NEGR1: variants seen among roughly 807,000 people sequenced by gnomAD.
NEGR1 encodes IgLON family member 4.
Under a neutral mutation model 40.9 loss-of-function variants are expected in NEGR1, and 10 were observed. That is an observed-to-expected ratio of 0.24 (90% CI 0.15 to 0.42). The LOEUF (loss-of-function observed/expected upper bound fraction) is 0.42. NEGR1 is among the 10% of genes least tolerant of loss of function. NEGR1 has a pLI of 1.00. For synonymous variants in NEGR1, 185 were observed against 166.8 expected, an observed-to-expected ratio of 1.11 and a Z score of -0.84; for missense variants, 352 against 438.9, an observed-to-expected ratio of 0.80 and a Z score of 1.77.
At chr1:71,508,057 A>G (rs773185919) in intron 6 of NEGR1, among the ~76,000 whole-genome samples, 8 of 152,168 alleles carry the variant, frequency 5.3e-5, no homozygotes, top group East Asian at 1.9e-4. Flanking sequence ...CCAAGAATCA[A>G]TTTTAAGAAA....
chr1:71,672,325 CAT>C (rs1002572605), intron 4 of NEGR1, among the ~76,000 whole-genome samples: 44 of 152,192 alleles, frequency 2.9e-4, no homozygotes, highest in Admixed American at 7.8e-4. Context: ...AAAATTAAAA[CAT>C]GTGACATCTT....
chr1:72,281,853 G>A (rs1656266357), intron 1 of NEGR1, among the ~76,000 whole-genome samples: 1 of 152,114 alleles, frequency 6.6e-6, no homozygotes, highest in East Asian at 1.9e-4. Flanking sequence ...AGGAAAGAAA[G>A]ATAAAGAGCA....
intron 1 of NEGR1, among the ~76,000 whole-genome samples, chr1:72,092,153 T>C (rs1648524329): frequency 6.6e-6 from 1 of 152,028 alleles, no homozygotes; most frequent in African/African-American, 2.4e-5. Context: ...CATAATAAAA[T>C]TGTGTTCCAT....
At chr1:71,515,629 T>G in intron 6 of NEGR1, among the ~76,000 whole-genome samples, 1 of 87,676 alleles carries the variant, frequency 1.1e-5, no homozygotes, top group Non-Finnish European at 2.1e-5. Context: ...CATGCCAAAA[T>G]GTAAAGACCA....
intron 1 of NEGR1, among the ~76,000 whole-genome samples, chr1:72,010,061 C>G (rs2100399169): frequency 6.6e-6 from 1 of 152,266 alleles, no homozygotes; most frequent in South Asian, 2.1e-4. Flanking sequence ...AATAATTTGA[C>G]TGAAAACTAA....
At chr1:71,723,772 A>G (rs1390550092) in intron 3 of NEGR1, among the ~76,000 whole-genome samples, 2 of 152,124 alleles carry the variant, frequency 1.3e-5, no homozygotes, top group Non-Finnish European at 2.9e-5. Flanking sequence ...GGAATCCCCT[A>G]TTTGTAGCCA....
chr1:71,574,570 G>A (rs895284473), intron 6 of NEGR1, among the ~76,000 whole-genome samples: 14 of 152,118 alleles, frequency 9.2e-5, no homozygotes, highest in Admixed American at 2.0e-4. Context: ...TGAATAAAAT[G>A]AGGAGAGGAG....
At chr1:71,983,541 C>T (rs1158580451) in intron 1 of NEGR1, among the ~76,000 whole-genome samples, 2 of 152,162 alleles carry the variant, frequency 1.3e-5, no homozygotes, top group Non-Finnish European at 2.9e-5. Context: ...TTTTTGCATA[C>T]TCCACAGGGG....
intron 1 of NEGR1, among the ~76,000 whole-genome samples, chr1:72,165,566 CA>C (rs1048338686): frequency 6.6e-6 from 1 of 151,962 alleles, no homozygotes; most frequent in African/African-American, 2.4e-5. Flanking sequence ...GGAAAAGAAG[CA>C]TTTCCTATTC....
chr1:71,739,643 A>G (rs1655153826), intron 3 of NEGR1, among the ~76,000 whole-genome samples: 1 of 152,162 alleles, frequency 6.6e-6, no homozygotes, highest in African/African-American at 2.4e-5. Flanking sequence ...CAAAAATAAA[A>G]GTTTACTTTC....
intron 3 of NEGR1, among the ~76,000 whole-genome samples, chr1:71,771,814 C>T (rs1262956032): frequency 6.7e-6 from 1 of 148,236 alleles, no homozygotes; most frequent in Non-Finnish European, 1.5e-5. Flanking sequence ...CAAGTGCTAA[C>T]TAGTAAAAGC....
intron 4 of NEGR1, among the ~76,000 whole-genome samples, chr1:71,658,822 A>G (rs1651960349): frequency 1.3e-5 from 2 of 152,168 alleles, no homozygotes. Context: ...GAATTTTTAT[A>G]CTTGACAGTT....
chr1:71,616,557 C>A (rs1036495253), intron 4 of NEGR1, among the ~76,000 whole-genome samples: 6 of 152,192 alleles, frequency 3.9e-5, no homozygotes, highest in Admixed American at 1.3e-4. Flanking sequence ...TGGCAAGCAA[C>A]AATTAAGCTG....
chr1:71,729,430 A>G (rs1400394644), intron 3 of NEGR1, among the ~76,000 whole-genome samples: 1 of 152,118 alleles, frequency 6.6e-6, no homozygotes, highest in Non-Finnish European at 1.5e-5. Context: ...CTTAATATTT[A>G]TCTTCTGTCT....
chr1:71,756,968 A>G (rs907884143), intron 3 of NEGR1, among the ~76,000 whole-genome samples: 1 of 152,156 alleles, frequency 6.6e-6, no homozygotes, highest in African/African-American at 2.4e-5. Flanking sequence ...AATGGCTTTA[A>G]TTTATAAATT....
chr1:71,577,018 C>A (rs1221979174), intron 6 of NEGR1, among the ~76,000 whole-genome samples: 1 of 152,166 alleles, frequency 6.6e-6, no homozygotes, highest in East Asian at 1.9e-4. Context: ...TTGTTTAAGT[C>A]ATTGTTATTT....
At chr1:72,137,597 G>A (rs1203955563) in intron 1 of NEGR1, among the ~76,000 whole-genome samples, 1 of 151,614 alleles carries the variant, frequency 6.6e-6, no homozygotes, top group Non-Finnish European at 1.5e-5. Context: ...GGTGGGGGCT[G>A]GGGGAGGGAT....
At chr1:72,207,208 G>C (rs111863487) in intron 1 of NEGR1, among the ~76,000 whole-genome samples, 1 of 151,264 alleles carries the variant, frequency 6.6e-6, no homozygotes, top group South Asian at 2.1e-4. Flanking sequence ...CATGTTTATC[G>C]TAAAGTAGAT....
At chr1:71,939,968 T>A (rs1645944636) in intron 1 of NEGR1, among the ~76,000 whole-genome samples, 1 of 152,146 alleles carries the variant, frequency 6.6e-6, no homozygotes, top group Non-Finnish European at 1.5e-5. Context: ...CCAGTTGGCT[T>A]GCATTCTTAA....
Sources: allele counts gnomAD v4.1 joint callset (sites outside exome capture counted in the v4.1 genomes callset), GRCh38; gene constraint gnomAD v4.1.1; transcripts MANE v1.5; gene names NCBI Gene and HGNC (gene_info 2026-07-23, HGNC 2026-07-21).